The following SIDT1 variants were observed in gnomAD, a reference collection of about 807,000 sequenced individuals.
SIDT1 encodes the protein SID1 transmembrane family, member 1.
SIDT1 carries 101 observed loss-of-function variants against 107.5 expected under a neutral mutation model. The ratio of observed to expected loss-of-function variants is 0.94; its 90% CI spans 0.80 to 1.11. The LOEUF is 1.11. SIDT1 is among the 50% of genes least tolerant of loss of function. SIDT1 has a pLI of 0.00. For missense variants in SIDT1, 1,076 were observed against 1,058.2 expected (o/e 1.02, Z -0.23); for synonymous variants, 395 against 398.2 (o/e 0.99, Z 0.10).
In SIDT1 at chr3:113,601,634, C is replaced by G. The variant is rs201820793; in HGVS notation, c.1092C>G (p.Pro364=). Residue 364 remains proline, a synonymous_variant, in exon 11 of 25, where the codon CCC becomes CCG. Transcript: ENST00000264852. Reference sequence around the variant, plus strand: ...CTCATCCCATTGCTGCCAGCACACCCGAAGGGAGCAATTATGGGACAATAG... The same window carrying G: ...CTCATCCCATTGCTGCCAGCACACCGGAAGGGAGCAATTATGGGACAATAG... ...VASHPIAAST[P]EGSNYGTIDE... The G allele has an allele frequency of 9.3e-6, 15 of 1,613,624 alleles. No individual in the cohort carries two copies. Among genetic ancestry groups the G allele is most frequent in the Non-Finnish European group, 1.3e-5 (15 of 1,179,714 alleles).
At chr3:113,535,886 G>A (rs1938099479) in intron 1 of SIDT1, among the ~76,000 whole-genome samples, 1 of 152,158 alleles carries the variant, frequency 6.6e-6, no homozygotes, top group African/African-American at 2.4e-5. Context: ...TTCTTGATCT[G>A]TCTGTCCAAA....
chr3:113,585,749 G>T (rs1005406520), intron 9 of SIDT1, among the ~76,000 whole-genome samples: 3 of 152,182 alleles, frequency 2.0e-5, no homozygotes, highest in Non-Finnish European at 4.4e-5. Context: ...GCATTACCAA[G>T]TGTTTTCCTT....
chr3:113,601,336 A>G (rs1944943296), intron 10 of SIDT1: 2 of 355,932 alleles, frequency 5.6e-6, no homozygotes, highest in South Asian at 1.6e-4. Flanking sequence ...CTGTCATGAA[A>G]CATTATTCTT....
chr3:113,573,299 C>T (rs1942626511), intron 3 of SIDT1, among the ~76,000 whole-genome samples: 7 of 152,184 alleles, frequency 4.6e-5, no homozygotes, highest in Admixed American at 3.9e-4. Flanking sequence ...GATCACTATT[C>T]TGTGACTGGG....
At chr3:113,605,122 C>CTATTT in intron 14 of SIDT1, 146 bp downstream of exon 14, 11 of 306,966 alleles carry the variant, frequency 3.6e-5, no homozygotes, top group Non-Finnish European at 5.4e-5. Flanking sequence ...CTATTGCTTC[C>CTATTT]TCTTTTTTTT....
chr3:113,609,371 A>G (rs1945578439), intron 17 of SIDT1, among the ~76,000 whole-genome samples: 1 of 152,058 alleles, frequency 6.6e-6, no homozygotes, highest in African/African-American at 2.4e-5. Context: ...CGGCCCCATG[A>G]GCCCATTTTT....
At chr3:113,567,790 T>C (rs1041507597) in intron 3 of SIDT1, 80 bp downstream of exon 3, 11 of 1,399,680 alleles carry the variant, frequency 7.9e-6, no homozygotes, top group Non-Finnish European at 1.1e-5. Context: ...CCTTACAGAC[T>C]GGTACTCTGG....
intron 17 of SIDT1, among the ~76,000 whole-genome samples, chr3:113,610,333 G>C (rs1328707009): frequency 7.2e-5 from 11 of 152,150 alleles, no homozygotes; most frequent in Non-Finnish European, 2.9e-5. Context: ...TCTCTCCAGA[G>C]CATTAATTCC....
At chr3:113,563,991 C>T (rs1358143010) in intron 1 of SIDT1, among the ~76,000 whole-genome samples, 5 of 151,850 alleles carry the variant, frequency 3.3e-5, no homozygotes, top group Admixed American at 2.6e-4. Flanking sequence ...CTTTGTTGCC[C>T]AGGCTGGAAT....
At chr3:113,626,672 G>A (rs113853553) in intron 24 of SIDT1, among the ~76,000 whole-genome samples, 1 of 152,118 alleles carries the variant, frequency 6.6e-6, no homozygotes, top group Non-Finnish European at 1.5e-5. Flanking sequence ...CCACGTGTCT[G>A]TTGCCTTCTG....
chr3:113,568,467 A>T (rs56721892), intron 3 of SIDT1, among the ~76,000 whole-genome samples: 1 of 151,292 alleles, frequency 6.6e-6, no homozygotes, highest in Admixed American at 6.6e-5. Flanking sequence ...GGTGGCGGGC[A>T]CCTGTAATCC....
At chr3:113,590,102 G>C (rs1019640350) in intron 9 of SIDT1, 3 of 152,234 alleles carry the variant, frequency 2.0e-5, no homozygotes, top group Admixed American at 6.5e-5. Flanking sequence ...GATTAGATTT[G>C]ATTGGCAGGG....
rs55830002 is a variant in SIDT1 at position 113,611,700 on chromosome 3, A to G, written c.1858-386A>G. 1.7e-3 allele frequency among the ~76,000 whole-genome samples: 263 copies of G among 152,316 alleles called. 1 individual carries two copies. Among genetic ancestry groups the G allele is most frequent in the Middle Eastern group, 3.4e-3 (1 of 294 alleles). On this transcript the variant is annotated intron_variant, in intron 18 of 24. Coordinates refer to ENST00000264852, the MANE Select transcript of SIDT1 (RefSeq NM_017699.3). ...TTTAATATAAAGCTAGACCCGACTC[A>G]TGTGAAAGTGGAATAGGGGTATATA... is the stretch of plus-strand genomic sequence containing the variant.
chr3:113,634,568 A>G (rs1473517889), downstream of SIDT1, among the ~76,000 whole-genome samples: 2 of 152,066 alleles, frequency 1.3e-5, no homozygotes, highest in African/African-American at 4.8e-5. Context: ...GGTCGAGGCA[A>G]GTGGATCACC....
At chr3:113,544,978 G>GAA (rs1190251625) in intron 1 of SIDT1, among the ~76,000 whole-genome samples, 39 of 152,064 alleles carry the variant, frequency 2.6e-4, no homozygotes, top group Non-Finnish European at 4.9e-4. Flanking sequence ...AGCTGGGCGT[G>GAA]GTGGCGTGCA....
intron 12 of SIDT1, among the ~76,000 whole-genome samples, chr3:113,603,554 A>G (rs1280403256): frequency 6.6e-6 from 1 of 152,184 alleles, no homozygotes; most frequent in African/African-American, 2.4e-5. Flanking sequence ...TTTCTGTCAT[A>G]TCCAGCAAAA....
rs947361251 is a variant in SIDT1, at chr3:113,592,803, G to T, written c.1002-202G>T. 9 of 527,686 alleles carry T rather than the reference G, an allele frequency of 1.7e-5. No homozygotes were observed. In the Admixed American group the frequency reaches 2.3e-4, roughly 14 times the overall value. The allele number at this position is 527,686 out of a possible 1,614,324, so 32.7% of individuals were successfully genotyped here. ...GGGTTTCACCATATTGGCCAGGCTG[G>T]TCTTGAACTCCTGACTTTGTGATCC... is the stretch of plus-strand genomic sequence containing the variant. On this transcript the variant is annotated intron_variant, in intron 9 of 24. Coordinates refer to ENST00000264852, the MANE Select transcript of SIDT1 (RefSeq NM_017699.3).
At chr3:113,562,600 G>A (rs1041260515) in intron 1 of SIDT1, among the ~76,000 whole-genome samples, 1 of 152,170 alleles carries the variant, frequency 6.6e-6, no homozygotes, top group African/African-American at 2.4e-5. Context: ...ATTATGCTAA[G>A]GAAATAAGCT....
At position 113,567,518 on chromosome 3, in the gene SIDT1, TC is replaced by T. The variant is rs750959678; in HGVS notation, c.345-18del. 1.3e-5 allele frequency: 20 copies of T among 1,575,638 alleles called. No individual in the cohort carries two copies. In the African/African-American group the frequency reaches 1.8e-4, roughly 14 times the overall value. ...CCTTTCTTGTCCTTGTTTATTTTTTTCCCCTATATTGGCTGCTTCAGATACC... is the reference window on the plus strand; with the variant it reads ...CCTTTCTTGTCCTTGTTTATTTTTTTCCCTATATTGGCTGCTTCAGATACC... On this transcript the variant is annotated intron_variant, in intron 2 of 24. Transcript: ENST00000264852.
Sources: gnomAD v4.1 joint callset for allele counts (sites outside exome capture counted in the v4.1 genomes callset) on GRCh38, gnomAD v4.1.1 for gene constraint, MANE v1.5 for transcripts, NCBI Gene and HGNC (gene_info 2026-07-23, HGNC 2026-07-21) for gene names.